Variants in ADAMTS3 observed in about 807,000 individuals in gnomAD.
ADAMTS3 encodes the protein ADAM metallopeptidase with thrombospondin type 1 motif 3.
ADAMTS3 carries 73 observed loss-of-function variants against 129.0 expected under a neutral mutation model. That is an observed-to-expected ratio of 0.57 (90% CI 0.47 to 0.69). The LOEUF (loss-of-function observed/expected upper bound fraction) is 0.69. ADAMTS3 is among the 30% of genes least tolerant of loss of function. The pLI is 0.00. For synonymous variants in ADAMTS3, 477 were observed against 510.8 expected (o/e 0.93, Z 0.89); for missense variants, 1,457 against 1,514.5 (o/e 0.96, Z 0.63).
chr4:72,423,140 G>C (rs1341723168), intron 3 of ADAMTS3, among the ~76,000 whole-genome samples: 1 of 152,116 alleles, frequency 6.6e-6, no homozygotes, highest in Non-Finnish European at 1.5e-5. Flanking sequence ...AAAGAGAATA[G>C]AGATGGGTAG....
chr4:72,569,113 C>T lies in ADAMTS3; in HGVS notation c.-351G>A, dbSNP rs2109815178. The T allele has an allele frequency of 3.1e-6, 1 of 318,440 alleles. No individual in the cohort carries two copies. The highest frequency in any genetic ancestry group is 2.1e-5 in the African/African-American group (1 of 47,528). The allele number at this position is 318,440 out of a possible 1,614,324, so 19.7% of individuals were successfully genotyped here. ...CCAAAGCAGCTTTTTCGAGGCTTTT[C>T]GAGCACCATTGGTCCCTAAGGTTAG... is the stretch of plus-strand genomic sequence containing the variant. On this transcript the variant is annotated 5_prime_UTR_variant, in exon 1 of 22. Transcript: ENST00000286657.
intron 3 of ADAMTS3, among the ~76,000 whole-genome samples, chr4:72,461,600 G>T (rs1306305074): frequency 6.6e-6 from 1 of 151,784 alleles, no homozygotes; most frequent in Non-Finnish European, 1.5e-5. Flanking sequence ...AGTAAACAGA[G>T]TTTTAAATGT....
intron 3 of ADAMTS3, among the ~76,000 whole-genome samples, chr4:72,416,154 A>C (rs1289275579): frequency 1.0e-4 from 4 of 38,890 alleles, no homozygotes; most frequent in Admixed American, 3.7e-4. Context: ...CAAAGAGCAT[A>C]TGTTTTCAGC....
chr4:72,386,468 C>T (rs191007026), intron 4 of ADAMTS3, among the ~76,000 whole-genome samples: 2 of 152,162 alleles, frequency 1.3e-5, no homozygotes, highest in Admixed American at 6.5e-5. Flanking sequence ...TGTGTTCCTT[C>T]TCTCTCTTTT....
At chr4:72,291,596 C>A (rs1578555475) in intron 19 of ADAMTS3, among the ~76,000 whole-genome samples, 1 of 150,726 alleles carries the variant, frequency 6.6e-6, no homozygotes, top group East Asian at 1.9e-4. Context: ...TTTTTTATGG[C>A]TGCATAGTAT....
intron 3 of ADAMTS3, among the ~76,000 whole-genome samples, chr4:72,521,177 T>C (rs1179017322): frequency 6.6e-6 from 1 of 152,006 alleles, no homozygotes; most frequent in Non-Finnish European, 1.5e-5. Context: ...TTTGTAGTTT[T>C]AGTAGAGACA....
chr4:72,539,506 A>AAAAC (rs1342359873), intron 3 of ADAMTS3, among the ~76,000 whole-genome samples: 39 of 151,716 alleles, frequency 2.6e-4, no homozygotes, highest in African/African-American at 8.9e-4. Flanking sequence ...AAAAAAAAAA[A>AAAAC]AAAAAAACAG....
At chr4:72,474,357 A>C (rs969091890) in intron 3 of ADAMTS3, among the ~76,000 whole-genome samples, 2 of 152,296 alleles carry the variant, frequency 1.3e-5, no homozygotes, top group East Asian at 1.9e-4. Context: ...ACAAAGAAAT[A>C]GAAAATATAA....
intron 3 of ADAMTS3, among the ~76,000 whole-genome samples, chr4:72,480,600 A>T (rs1719405880): frequency 6.6e-6 from 1 of 151,984 alleles, no homozygotes; most frequent in African/African-American, 2.4e-5. Context: ...ATGCTAAATG[A>T]CGAGTTAATG....
rs755873072 is a variant in ADAMTS3 at position 72,298,300 on chromosome 4, T to C, written c.2567A>G (p.Gln856Arg). The C allele has an allele frequency of 6.2e-7, 1 of 1,612,874 alleles. No individual in the cohort carries two copies. The highest frequency in any genetic ancestry group is 8.5e-7 in the Non-Finnish European group (1 of 1,179,142). ...TFEWALKSWS[Q>R]CSKPCGGGFQ... is the part of the protein sequence containing the mutation. The stretch of plus-strand genomic sequence containing the variant: ...ACCTCCACCACAGGGTTTGGAACAC[T>C]GAGACCAGCTCTTCAAAGCCCACTC... Residue 856 changes from glutamine to arginine, a missense_variant, in exon 18 of 22, where the codon CAG (glutamine) becomes CGG (arginine). Physicochemically the swap from Gln to Arg is conservative, Grantham distance 43 (BLOSUM62 1). Transcript: ENST00000286657.
intron 3 of ADAMTS3, among the ~76,000 whole-genome samples, chr4:72,448,635 T>C (rs1305106468): frequency 4.6e-5 from 7 of 151,686 alleles, no homozygotes; most frequent in Non-Finnish European, 7.4e-5. Context: ...AAGAAACTGT[T>C]CTAAACTTTT....
At chr4:72,506,040 G>A (rs1437423178) in intron 3 of ADAMTS3, among the ~76,000 whole-genome samples, 1 of 152,248 alleles carries the variant, frequency 6.6e-6, no homozygotes, top group Non-Finnish European at 1.5e-5. Context: ...ATGAGGCAGA[G>A]AGGGCACCCC....
chr4:72,312,455 C>A lies in ADAMTS3; in HGVS notation c.1757G>T (p.Gly586Val). 1 of 1,613,310 alleles carries A rather than the reference C, an allele frequency of 6.2e-7. No homozygotes were observed. The highest frequency in any genetic ancestry group is 2.2e-5 in the East Asian group (1 of 44,784). Residue 586 changes from glycine to valine, a missense_variant, in exon 13 of 22, where the codon GGT becomes GTT. Coordinates refer to ENST00000286657, the MANE Select transcript of ADAMTS3 (RefSeq NM_014243.3). ...RQCNNPMPIN[G>V]GQDCPGVNFE... ...ATTAACACCAGGACAATCCTGACCACCATTGATGGGCCTAAAGAAAAGACA... is the reference window on the plus strand; with the variant it reads ...ATTAACACCAGGACAATCCTGACCAACATTGATGGGCCTAAAGAAAAGACA...
chr4:72,379,123 ACCCATGATAATCT>A (rs1174418213), intron 4 of ADAMTS3, among the ~76,000 whole-genome samples: 6 of 152,070 alleles, frequency 3.9e-5, no homozygotes, highest in Non-Finnish European at 8.8e-5. Context: ...GGTAAAGCAC[ACCCATGATAATCT>A]CCTTTTTGAT....
chr4:72,310,958 T>A lies in ADAMTS3; in HGVS notation c.2055+90A>T. The A allele has an allele frequency of 2.5e-6, 3 of 1,223,468 alleles. No homozygotes were observed. In the South Asian group the frequency reaches 6.3e-5, roughly 26 times the overall value. 75.8% of individuals were successfully genotyped at this position (1,223,468 alleles called of 1,614,324 possible). On this transcript the variant is annotated intron_variant, in intron 14 of 21. Coordinates refer to ENST00000286657, the MANE Select transcript of ADAMTS3 (RefSeq NM_014243.3). Reference sequence around the variant, plus strand: ...ACTTACTATAATGTGATTTCAAAGATAAAATAGTTTAAAAAATTAAAAATG... The same window carrying A: ...ACTTACTATAATGTGATTTCAAAGAAAAAATAGTTTAAAAAATTAAAAATG...
At chr4:72,407,404 A>G (rs1722076774) in intron 4 of ADAMTS3, among the ~76,000 whole-genome samples, 1 of 152,158 alleles carries the variant, frequency 6.6e-6, no homozygotes, top group South Asian at 2.1e-4. Context: ...TGGTGAGACA[A>G]GAACCTCTGG....
At chr4:72,561,916 AGTC>A in intron 2 of ADAMTS3, among the ~76,000 whole-genome samples, 1 of 151,802 alleles carries the variant, frequency 6.6e-6, no homozygotes, top group Non-Finnish European at 1.5e-5. Context: ...ATTTACAGTT[AGTC>A]AGCAAAGTCA....
chr4:72,346,907 CT>C (rs902059799), intron 4 of ADAMTS3, among the ~76,000 whole-genome samples: 4 of 152,102 alleles, frequency 2.6e-5, no homozygotes, highest in African/African-American at 9.7e-5. Flanking sequence ...GCACATTCAC[CT>C]GGCATGGCCA....
At chr4:72,405,400 T>TA (rs954060604) in intron 4 of ADAMTS3, among the ~76,000 whole-genome samples, 3 of 151,882 alleles carry the variant, frequency 2.0e-5, no homozygotes, top group Non-Finnish European at 4.4e-5. Context: ...TAACACAATA[T>TA]AAAAAAATAT....
Sources: gnomAD v4.1 joint callset for allele counts (sites outside exome capture counted in the v4.1 genomes callset) on GRCh38, gnomAD v4.1.1 for gene constraint, MANE v1.5 for transcripts, NCBI Gene and HGNC (gene_info 2026-07-23, HGNC 2026-07-21) for gene names.